Variants in HCN2 observed in about 807,000 individuals in gnomAD.
HCN2 encodes hyperpolarization activated cyclic nucleotide gated potassium and sodium channel 2.
Under a neutral mutation model 52.3 loss-of-function variants are expected in HCN2, and 20 were observed. The observed-to-expected ratio is 0.38, with a 90% CI of 0.27 to 0.56. The LOEUF is 0.56. Ranked by LOEUF, HCN2 falls within the 20% of genes least tolerant of loss-of-function variation. HCN2 has a pLI of 0.71. For synonymous variants in HCN2, 694 were observed against 537.0 expected (o/e 1.29, Z -4.04); for missense variants, 981 against 1,207.7 (o/e 0.81, Z 2.78).
Position 592,264 on chromosome 19 carries a change from G to A in HCN2, c.632+1687G>A, listed in dbSNP as rs1982896282. Among the ~76,000 whole-genome samples the A allele has an allele frequency of 6.6e-6, 1 of 152,234 alleles. No individual in the cohort carries two copies. The highest frequency in any genetic ancestry group is 1.5e-5 in the Non-Finnish European group (1 of 68,032). ...AGCATGACCTTCGACAGAGATGGGT[G>A]CACCGCAGCGTGGGGGCTGGCAGGT... On this transcript the variant is annotated intron_variant, in intron 1 of 7. Coordinates refer to ENST00000251287, the MANE Select transcript of HCN2 (RefSeq NM_001194.4). The surrounding 1 kb of genome is among the most constrained non-coding windows in gnomAD (Gnocchi z 4.8).
intron 7 of HCN2, among the ~76,000 whole-genome samples, chr19:615,488 C>T (rs539658954): frequency 2.6e-5 from 4 of 152,114 alleles, no homozygotes; most frequent in Non-Finnish European, 5.9e-5. Flanking sequence ...CACTCCAGCC[C>T]GGGCGACAGA....
intron 7 of HCN2, among the ~76,000 whole-genome samples, chr19:614,852 G>A (rs1289781881): frequency 1.3e-5 from 2 of 152,182 alleles, no homozygotes; most frequent in Non-Finnish European, 1.5e-5. Context: ...GAGCCCTGAT[G>A]ACTGGATGTA....
At chr19:610,463 T>A in intron 5 of HCN2, 58 bp downstream of exon 5, 1 of 1,522,306 alleles carries the variant, frequency 6.6e-7, no homozygotes, top group South Asian at 1.2e-5. Context: ...GGCCTCCCTC[T>A]CCTGGAGCCC....
At chr19:596,368 G>C (rs1052424162) in intron 1 of HCN2, among the ~76,000 whole-genome samples, 2 of 152,176 alleles carry the variant, frequency 1.3e-5, no homozygotes, top group Non-Finnish European at 2.9e-5. Context: ...GAGTGAGAGG[G>C]GGTCCGAGGC....
Position 617,095 on chromosome 19 carries a change from G to GCCCCCCCCCCCCCCTTAAC in HCN2, c.*627_*628insCCCCCCCCTTAACCCCCCC. 1.9e-6 allele frequency: 1 copy of GCCCCCCCCCCCCCCTTAAC among 513,166 alleles called. No individual in the cohort carries two copies. Among genetic ancestry groups the GCCCCCCCCCCCCCCTTAAC allele is most frequent in the East Asian group, 3.5e-5 (1 of 28,474 alleles). The allele number at this position is 513,166 out of a possible 1,614,324, so 31.8% of individuals were successfully genotyped here. ...CCGAGGCAGCAGTGCCCCCACCGTG[G>GCCCCCCCCCCCCCCTTAAC]CCCCCCACGCCCCATTAACCCCCAC... On this transcript the variant is annotated 3_prime_UTR_variant, in exon 8 of 8. Coordinates refer to ENST00000251287, the MANE Select transcript of HCN2 (RefSeq NM_001194.4).
chr19:608,689 G>C (rs941398206), intron 4 of HCN2, among the ~76,000 whole-genome samples: 2 of 152,116 alleles, frequency 1.3e-5, no homozygotes, highest in African/African-American at 4.8e-5. Context: ...CGGGCTGAAG[G>C]GGCATTGCCA....
Position 591,627 on chromosome 19 carries a change from G to T in HCN2, c.632+1050G>T, listed in dbSNP as rs904375605. On this transcript the variant is annotated intron_variant, in intron 1 of 7. Coordinates refer to ENST00000251287, the MANE Select transcript of HCN2 (RefSeq NM_001194.4). The surrounding 1 kb of genome is among the most constrained non-coding windows in gnomAD (Gnocchi z 4.1). ...GGTGCAGGTGGAGGGTGTAGGTGGGGCCCGCCGGGCTAGCGAGGCCGGGCG... is the reference window on the plus strand; with the variant it reads ...GGTGCAGGTGGAGGGTGTAGGTGGGTCCCGCCGGGCTAGCGAGGCCGGGCG... 1.3e-5 allele frequency among the ~76,000 whole-genome samples: 2 copies of T among 151,944 alleles called. No homozygotes were observed. Among genetic ancestry groups the T allele is most frequent in the Non-Finnish European group, 2.9e-5 (2 of 67,922 alleles).
chr19:610,503 C>T, intron 5 of HCN2, 98 bp downstream of exon 5: 3 of 1,088,396 alleles, frequency 2.8e-6, no homozygotes, highest in South Asian at 1.4e-5. Flanking sequence ...AGGCGAGGTG[C>T]CTAGGCTGCA....
intron 4 of HCN2, among the ~76,000 whole-genome samples, chr19:609,220 C>T (rs1054179743): frequency 2.6e-5 from 4 of 152,152 alleles, no homozygotes; most frequent in Admixed American, 6.5e-5. Context: ...TGCGGCCGGG[C>T]GGGGCTGGGG....
intron 3 of HCN2, among the ~76,000 whole-genome samples, chr19:607,712 G>A (rs1015181451): frequency 1.8e-4 from 27 of 152,214 alleles, no homozygotes; most frequent in Non-Finnish European, 2.4e-4. Flanking sequence ...CCAGACTCTC[G>A]CCCTTGGGGT....
intron 1 of HCN2, among the ~76,000 whole-genome samples, chr19:603,214 G>A (rs1983272908): frequency 8.4e-6 from 1 of 118,612 alleles, no homozygotes; most frequent in Non-Finnish European, 1.8e-5. Context: ...TGAGCTGTGG[G>A]CACCCTCGCC....
At chr19:606,108 AT>A (rs920893285) in intron 3 of HCN2, among the ~76,000 whole-genome samples, 17 of 150,990 alleles carry the variant, frequency 1.1e-4, no homozygotes, top group East Asian at 1.9e-4. Flanking sequence ...TTATTTACTT[AT>A]TTTTTTTTGA....
chr19:605,229 G>A lies in HCN2; in HGVS notation c.1218+7G>A, dbSNP rs368467763. 3.1e-5 allele frequency: 50 copies of A among 1,609,318 alleles called. No individual in the cohort carries two copies. Among genetic ancestry groups the A allele is most frequent in the South Asian group, 1.2e-4 (11 of 90,970 alleles). ...GTCCATCAATGGCATGGTGGTGAGCGCCGCGGGCCCTGACGGAGGGGGAGA... is the reference window on the plus strand; with the variant it reads ...GTCCATCAATGGCATGGTGGTGAGCACCGCGGGCCCTGACGGAGGGGGAGA... On this transcript the variant is annotated splice_region_variant and intron_variant, in intron 3 of 7. Transcript: ENST00000251287.
At chr19:610,140 C>A in intron 4 of HCN2, 119 bp from the exon 5 acceptor site, 1 of 1,246,498 alleles carries the variant, frequency 8.0e-7, no homozygotes, top group Non-Finnish European at 1.1e-6. Flanking sequence ...CCCGTGTGCC[C>A]GCTGCAGGCT....
In HCN2 at chr19:608,394, G is replaced by A. The variant is rs545401976; in HGVS notation, c.1437+212G>A. On this transcript the variant is annotated intron_variant, in intron 4 of 7. Coordinates refer to ENST00000251287, the MANE Select transcript of HCN2 (RefSeq NM_001194.4). ...TGAGGGGAGGGGCGGGCCCGGCCCCGGGGTCTGAGGGGAGAGGCAGTCTCA... is the reference window on the plus strand; with the variant it reads ...TGAGGGGAGGGGCGGGCCCGGCCCCAGGGTCTGAGGGGAGAGGCAGTCTCA... Among the ~76,000 whole-genome samples the A allele has an allele frequency of 6.1e-4, 93 of 152,188 alleles. No homozygotes were observed. In the South Asian group the frequency reaches 7.1e-3, roughly 12 times the overall value.
intron 1 of HCN2, among the ~76,000 whole-genome samples, 185 bp from the exon 2 acceptor site, chr19:603,359 C>G (rs1983281246): frequency 1.4e-5 from 2 of 145,030 alleles, no homozygotes; most frequent in African/African-American, 5.2e-5. Flanking sequence ...AAGGCACCAG[C>G]CTGAGGTGTG....
chr19:604,631 T>G (rs1600526453), intron 2 of HCN2, among the ~76,000 whole-genome samples: 3 of 72,798 alleles, frequency 4.1e-5, no homozygotes, highest in Admixed American at 3.0e-4. Flanking sequence ...CTGGGCGGGG[T>G]CAGGCAGCAA....
rs940169018 is a variant in HCN2, at chr19:617,052, G to T, written c.*578G>T. On this transcript the variant is annotated 3_prime_UTR_variant, in exon 8 of 8. Transcript: ENST00000251287. ...GGGGAGGCTGGGGTCCCGCCGCCGT[G>T]ATGAATGTACTGACGAGCCGAGGCA... 3.6e-6 allele frequency: 2 copies of T among 560,138 alleles called. No homozygotes were observed. The highest frequency in any genetic ancestry group is 3.0e-5 in the East Asian group (1 of 33,558). The allele number at this position is 560,138 out of a possible 1,614,324, so 34.7% of individuals were successfully genotyped here.
chr19:590,015 C>A lies in HCN2; in HGVS notation c.70C>A (p.Pro24Thr). Reference protein sequence around the residue: ...PGATPAPGPPPPPPPAPPQQQ... With the variant: ...PGATPAPGPPTPPPPAPPQQQ... Reference sequence around the variant, plus strand: ...CGCGACCCCCGCGCCGGGGCCGCCGCCGCCGCCGCCGCCCGCGCCCCCCCA... The same window carrying A: ...CGCGACCCCCGCGCCGGGGCCGCCGACGCCGCCGCCGCCCGCGCCCCCCCA... The change falls in exon 1 of 8, where the codon CCG becomes ACG. Residue 24 changes from proline to threonine, a missense_variant. By Grantham distance (38) the Pro-to-Thr change is conservative (BLOSUM62 -1). Around this residue, in one of 6 missense-constraint regions of HCN2, gnomAD observed 215 missense variants for 179.4 expected, o/e 1.20. Transcript: ENST00000251287. The surrounding 1 kb of genome is among the most constrained non-coding windows in gnomAD (Gnocchi z 7.2). 1 of 602,918 alleles carries A rather than the reference C, an allele frequency of 1.7e-6. No homozygotes were observed. The highest frequency in any genetic ancestry group is 2.0e-6 in the Non-Finnish European group (1 of 491,894). 37.3% of individuals were successfully genotyped at this position (602,918 alleles called of 1,614,324 possible). A position where few individuals can be genotyped will look rare whatever the true frequency, so the allele number is the denominator to read the frequency against.
Sources: allele counts gnomAD v4.1 joint callset (sites outside exome capture counted in the v4.1 genomes callset), GRCh38; gene constraint gnomAD v4.1.1; regional missense constraint gnomAD v4.1.1; non-coding constraint Gnocchi (gnomAD v3.1); transcripts MANE v1.5; gene names NCBI Gene and HGNC (gene_info 2026-07-23, HGNC 2026-07-21).